Variants in NRXN3 observed in about 807,000 individuals in gnomAD.
NRXN3 encodes the protein neurexin III.
NRXN3 carries 32 observed loss-of-function variants against 137.6 expected under a neutral mutation model. The observed-to-expected ratio is 0.23, with a 90% CI of 0.18 to 0.31. The LOEUF is 0.31. Ranked by LOEUF, NRXN3 falls within the 10% of genes least tolerant of loss-of-function variation. The pLI is 1.00. For missense variants in NRXN3, 1,574 were observed against 2,062.5 expected, an observed-to-expected ratio of 0.76 and a Z score of 4.59; for synonymous variants, 798 against 784.5, an observed-to-expected ratio of 1.02 and a Z score of -0.29.
rs55815632 is a variant in NRXN3 at position 79,818,046 on chromosome 14, GTTTTTTT to G, written c.4093+12877_4093+12883del. On this transcript the variant is annotated intron_variant, in intron 20 of 20. Coordinates refer to ENST00000335750, the MANE Select transcript of NRXN3 (RefSeq NM_001330195.2). ...CCTATGCAATAATATGTGCACTTGG[GTTTTTTT>G]TTTTTTTTTTTTTTTTTTTTGAGAC... is the stretch of plus-strand genomic sequence containing the variant. 2.1e-3 allele frequency among the ~76,000 whole-genome samples: 193 copies of G among 90,308 alleles called. 1 individual carries two copies. The highest frequency in any genetic ancestry group is 6.3e-3 in the African/African-American group (148 of 23,568). 59.2% of individuals were successfully genotyped at this position (90,308 alleles called of 152,430 possible).
At chr14:79,032,669 A>G (rs2099609982) in intron 15 of NRXN3, among the ~76,000 whole-genome samples, 1 of 152,110 alleles carries the variant, frequency 6.6e-6, no homozygotes, top group Non-Finnish European at 1.5e-5. Flanking sequence ...TTCATTCTCC[A>G]CCTTGCAGCT....
chr14:79,298,702 A>G (rs1252349621), intron 15 of NRXN3: 2 of 152,140 alleles, frequency 1.3e-5, no homozygotes, highest in East Asian at 1.9e-4. Context: ...TGTTGGATGA[A>G]TAAATAAAAT....
intron 1 of NRXN3, among the ~76,000 whole-genome samples, chr14:78,179,082 C>T (rs1373885346): frequency 6.6e-6 from 1 of 152,176 alleles, no homozygotes; most frequent in Non-Finnish European, 1.5e-5. Context: ...TGGGATCATG[C>T]ACAGCCTCAC....
At chr14:79,399,213 C>T (rs1339541695) in intron 15 of NRXN3, among the ~76,000 whole-genome samples, 1 of 152,046 alleles carries the variant, frequency 6.6e-6, no homozygotes, top group East Asian at 1.9e-4. Context: ...TATTCATTCT[C>T]ATGGAATTTT....
intron 10 of NRXN3, among the ~76,000 whole-genome samples, chr14:78,818,935 T>G (rs779282004): frequency 6.6e-6 from 1 of 152,190 alleles, no homozygotes; most frequent in Non-Finnish European, 1.5e-5. Flanking sequence ...TGGATTTTGT[T>G]CAGGGCTAAT....
intron 4 of NRXN3, among the ~76,000 whole-genome samples, chr14:78,614,386 G>A (rs182870781): frequency 7.2e-5 from 11 of 152,184 alleles, no homozygotes; most frequent in African/African-American, 2.4e-4. Context: ...TAGTGAAAAA[G>A]CCTACTTTTA....
chr14:78,729,854 C>T (rs1270361339), intron 8 of NRXN3, among the ~76,000 whole-genome samples: 1 of 152,180 alleles, frequency 6.6e-6, no homozygotes, highest in Non-Finnish European at 1.5e-5. Flanking sequence ...GGAGCTCAAT[C>T]TGTGTTTGTG....
chr14:78,282,651 A>G (rs981989869), intron 3 of NRXN3, among the ~76,000 whole-genome samples: 5 of 152,120 alleles, frequency 3.3e-5, no homozygotes, highest in Admixed American at 2.6e-4. Flanking sequence ...TGCCAAAGGA[A>G]CAGATACCTT....
chr14:79,352,954 T>C (rs551058146), intron 15 of NRXN3, among the ~76,000 whole-genome samples: 14 of 152,264 alleles, frequency 9.2e-5, no homozygotes, highest in African/African-American at 3.1e-4. Context: ...CCATCACTTA[T>C]TAAACTTGGT....
chr14:78,492,941 GACTCAATCAGCTTAATTT>G (rs2095696207), intron 4 of NRXN3, among the ~76,000 whole-genome samples: 3 of 152,122 alleles, frequency 2.0e-5, no homozygotes, highest in African/African-American at 7.2e-5. Flanking sequence ...ATCCTGTATG[GACTCAATCAGCTTAATTT>G]TTACATTTTT....
At chr14:78,268,451 T>C (rs2072172719) in intron 2 of NRXN3, among the ~76,000 whole-genome samples, 1 of 152,302 alleles carries the variant, frequency 6.6e-6, no homozygotes, top group Non-Finnish European at 1.5e-5. Flanking sequence ...CAATGCACAT[T>C]ATACTCTAAA....
At chr14:79,580,658 G>T (rs1171312602) in intron 16 of NRXN3, among the ~76,000 whole-genome samples, 1 of 151,988 alleles carries the variant, frequency 6.6e-6, no homozygotes, top group Non-Finnish European at 1.5e-5. Flanking sequence ...CTGTTTCTTT[G>T]GTGTGTAGGA....
intron 16 of NRXN3, among the ~76,000 whole-genome samples, chr14:79,495,963 A>G (rs1468009216): frequency 6.6e-6 from 1 of 151,752 alleles, no homozygotes; most frequent in African/African-American, 2.4e-5. Context: ...AAAAAAACAA[A>G]AAACAAAAAA....
chr14:78,495,812 GT>G (rs1254969098), intron 4 of NRXN3, among the ~76,000 whole-genome samples: 1 of 152,184 alleles, frequency 6.6e-6, no homozygotes, highest in African/African-American at 2.4e-5. Flanking sequence ...CACCAGGGCT[GT>G]TGGCCCTTGT....
chr14:78,553,488 C>T (rs1475796126), intron 4 of NRXN3, among the ~76,000 whole-genome samples: 1 of 152,164 alleles, frequency 6.6e-6, no homozygotes, highest in Non-Finnish European at 1.5e-5. Context: ...CTTTGTTCCC[C>T]CCTGCCAATG....
intron 19 of NRXN3, among the ~76,000 whole-genome samples, chr14:79,713,593 A>G (rs72696791): frequency 0.074 from 9,494 of 129,100 alleles, 334 homozygotes; most frequent in Middle Eastern, 0.2. Context: ...ACATATATAT[A>G]TACATACATA....
chr14:79,617,930 A>AAAAAAAAAAAGAAAAG (rs1385000688), intron 16 of NRXN3, among the ~76,000 whole-genome samples: 1 of 148,734 alleles, frequency 6.7e-6, no homozygotes, highest in African/African-American at 2.6e-5. Flanking sequence ...AAAAAAAAAA[A>AAAAAAAAAAAGAAAAG]AACATGCTTA....
chr14:79,297,387 G>A (rs980574254), intron 15 of NRXN3, among the ~76,000 whole-genome samples: 4 of 152,076 alleles, frequency 2.6e-5, no homozygotes, highest in African/African-American at 9.7e-5. Flanking sequence ...GCAATATTTG[G>A]AATATACTTA....
intron 10 of NRXN3, among the ~76,000 whole-genome samples, chr14:78,951,585 GAAC>G (rs1214257248): frequency 6.6e-6 from 1 of 152,088 alleles, no homozygotes; most frequent in Non-Finnish European, 1.5e-5. Flanking sequence ...AGGGTTGACA[GAAC>G]TCAACCCTAT....
Sources: allele counts gnomAD v4.1 joint callset (sites outside exome capture counted in the v4.1 genomes callset), GRCh38; gene constraint gnomAD v4.1.1; transcripts MANE v1.5; gene names NCBI Gene and HGNC (gene_info 2026-07-23, HGNC 2026-07-21).